The following TMEM108 variants were observed in gnomAD, a reference collection of about 807,000 sequenced individuals.
TMEM108 encodes the protein cancer/testis antigen 124.
In TMEM108, 12 loss-of-function variants were observed where a neutral mutation model predicts 35.1. The ratio of observed to expected loss-of-function variants is 0.34; its 90% CI spans 0.22 to 0.55. The LOEUF is 0.55. Ranked by LOEUF, TMEM108 falls within the 20% of genes least tolerant of loss-of-function variation. The probability of loss-of-function intolerance (pLI) is 0.89; values close to 1 mark genes in which losing one functional copy is unlikely to be tolerated. For synonymous variants in TMEM108, 287 were observed against 308.6 expected (o/e 0.93, Z 0.73); for missense variants, 680 against 753.3 (o/e 0.90, Z 1.14).
intron 3 of TMEM108, among the ~76,000 whole-genome samples, chr3:133,307,685 T>C (rs2071062966): frequency 6.6e-6 from 1 of 152,178 alleles, no homozygotes; most frequent in African/African-American, 2.4e-5. Context: ...TGGTTGTAGA[T>C]GTGTGGTGTT....
intron 3 of TMEM108, among the ~76,000 whole-genome samples, chr3:133,357,608 A>G (rs1343722006): frequency 1.3e-5 from 2 of 152,248 alleles, no homozygotes; most frequent in Non-Finnish European, 2.9e-5. Context: ...AAAAAGAAAC[A>G]AAATAATGTG....
Position 133,308,706 on chromosome 3 carries a change from G to A in TMEM108, c.41-71046G>A, listed in dbSNP as rs2071081805. ...TGAACCAGCCTTGCATCCGCGGGGT[G>A]AAGCCTACTTGATCGTGGTGGATAA... is the stretch of plus-strand genomic sequence containing the variant. On this transcript the variant is annotated intron_variant, in intron 3 of 5. Transcript: ENST00000321871. 2.0e-5 allele frequency among the ~76,000 whole-genome samples: 3 copies of A among 152,334 alleles called. No individual in the cohort carries two copies. In the South Asian group the frequency reaches 6.2e-4, roughly 32 times the overall value.
chr3:133,240,711 G>C (rs916410646), intron 3 of TMEM108, among the ~76,000 whole-genome samples: 1 of 152,200 alleles, frequency 6.6e-6, no homozygotes, highest in African/African-American at 2.4e-5. Flanking sequence ...GAGTGCTTCA[G>C]CTCCCAGAGC....
At position 133,176,514 on chromosome 3, in the gene TMEM108, C is replaced by A. The variant is rs1020246437; in HGVS notation, c.-46-52752C>A. 2.0e-5 allele frequency among the ~76,000 whole-genome samples: 3 copies of A among 152,216 alleles called. No homozygotes were observed. The East Asian group carries it at 5.8e-4, about 29-fold the overall frequency. On this transcript the variant is annotated intron_variant, in intron 2 of 5. Transcript: ENST00000321871. ...AACTAGAACTCAGGATTCAGAAACT[C>A]AGTCAAAACTACTCAACTACATGGA...
At chr3:133,347,016 G>A (rs1388826013) in intron 3 of TMEM108, among the ~76,000 whole-genome samples, 2 of 152,064 alleles carry the variant, frequency 1.3e-5, no homozygotes, top group African/African-American at 4.8e-5. Context: ...TCTTTCATCA[G>A]TATTACACTG....
chr3:133,154,205 G>A (rs1363103843), intron 2 of TMEM108, among the ~76,000 whole-genome samples: 1 of 151,904 alleles, frequency 6.6e-6, no homozygotes, highest in African/African-American at 2.4e-5. Flanking sequence ...TGTCAGATGA[G>A]TAGGTTGCAA....
chr3:133,261,541 A>G (rs1431058042), intron 3 of TMEM108, among the ~76,000 whole-genome samples: 4 of 152,214 alleles, frequency 2.6e-5, no homozygotes, highest in Non-Finnish European at 5.9e-5. Flanking sequence ...TTACTGGCAT[A>G]TAGTAGCTGA....
intron 4 of TMEM108, among the ~76,000 whole-genome samples, chr3:133,385,673 C>T (rs1211079341): frequency 6.6e-6 from 1 of 152,234 alleles, no homozygotes; most frequent in Non-Finnish European, 1.5e-5. Context: ...ACTCCCTGTC[C>T]TCACAGTTAA....
chr3:133,133,471 G>A (rs1037249029), intron 2 of TMEM108, among the ~76,000 whole-genome samples: 1 of 152,074 alleles, frequency 6.6e-6, no homozygotes, highest in African/African-American at 2.4e-5. Context: ...TAGGTACTGG[G>A]GAAACAGAAA....
At chr3:133,269,143 A>G (rs770033899) in intron 3 of TMEM108, among the ~76,000 whole-genome samples, 6 of 151,932 alleles carry the variant, frequency 3.9e-5, no homozygotes, top group Admixed American at 1.3e-4. Context: ...TCTTCCACCT[A>G]CCTCTTTACA....
At chr3:133,325,766 A>G (rs950494827) in intron 3 of TMEM108, among the ~76,000 whole-genome samples, 11 of 150,824 alleles carry the variant, frequency 7.3e-5, no homozygotes, top group Admixed American at 2.6e-4. Flanking sequence ...ATAATTTTTA[A>G]GTGTGTATAT....
chr3:133,350,767 A>G (rs2071970594), intron 3 of TMEM108, among the ~76,000 whole-genome samples: 1 of 152,140 alleles, frequency 6.6e-6, no homozygotes, highest in African/African-American at 2.4e-5. Flanking sequence ...ACTACAGGTC[A>G]GAGAATTGGT....
chr3:133,294,828 A>G (rs1009310208), intron 3 of TMEM108, among the ~76,000 whole-genome samples: 6 of 152,194 alleles, frequency 3.9e-5, no homozygotes, highest in Non-Finnish European at 5.9e-5. Flanking sequence ...AAGCATCCAT[A>G]TGTCCTATTT....
chr3:133,212,880 A>AAAG (rs397772544), intron 2 of TMEM108, among the ~76,000 whole-genome samples: 2 of 111,914 alleles, frequency 1.8e-5, no homozygotes, highest in Non-Finnish European at 3.4e-5. Flanking sequence ...AAAAAAAAAA[A>AAAG]GGAAAAAAAA....
At chr3:133,236,713 A>C (rs1946242787) in intron 3 of TMEM108, among the ~76,000 whole-genome samples, 1 of 152,094 alleles carries the variant, frequency 6.6e-6, no homozygotes, top group South Asian at 2.1e-4. Flanking sequence ...CCCAGTGACT[A>C]TTCTTTCTTC....
intron 2 of TMEM108, among the ~76,000 whole-genome samples, chr3:133,180,797 A>G (rs1945325993): frequency 6.6e-6 from 1 of 152,080 alleles, no homozygotes; most frequent in Admixed American, 6.6e-5. Flanking sequence ...ATTCATGCAA[A>G]CAAAACACAG....
chr3:133,372,834 G>A lies in TMEM108; in HGVS notation c.41-6918G>A, dbSNP rs141153286. Reference sequence around the variant, plus strand: ...TTTAAATGTGGCAACCTGTAGTGAGGGAAGCAGAAAAGATTTGCACTCAAA... The same window carrying A: ...TTTAAATGTGGCAACCTGTAGTGAGAGAAGCAGAAAAGATTTGCACTCAAA... On this transcript the variant is annotated intron_variant, in intron 3 of 5. Transcript: ENST00000321871. Among the ~76,000 whole-genome samples the A allele has an allele frequency of 4.6e-3, 697 of 152,212 alleles. 5 individuals are homozygous for A. Among genetic ancestry groups the A allele is most frequent in the African/African-American group, 0.016 (667 of 41,524 alleles).
intron 2 of TMEM108, among the ~76,000 whole-genome samples, chr3:133,066,087 C>T (rs1943603031): frequency 6.6e-6 from 1 of 152,060 alleles, no homozygotes; most frequent in African/African-American, 2.4e-5. Context: ...TATTTGGTGG[C>T]CCAAACGTGA....
chr3:133,386,277 TCAAA>T (rs2073147361), intron 4 of TMEM108: 2 of 898,852 alleles, frequency 2.2e-6, no homozygotes, highest in Non-Finnish European at 3.4e-6. Flanking sequence ...ATGGCAGTGA[TCAAA>T]CAGTGATGAT....
Sources: allele counts gnomAD v4.1 joint callset (sites outside exome capture counted in the v4.1 genomes callset), GRCh38; gene constraint gnomAD v4.1.1; transcripts MANE v1.5; gene names NCBI Gene and HGNC (gene_info 2026-07-23, HGNC 2026-07-21).